Variants in EYA3 observed in about 807,000 individuals in gnomAD.
EYA3 encodes protein phosphatase EYA3.
In EYA3, 39 loss-of-function variants were observed where a neutral mutation model predicts 80.0. That is an observed-to-expected ratio of 0.49 (90% CI 0.38 to 0.64). The LOEUF (loss-of-function observed/expected upper bound fraction) is 0.64, where lower values mean the gene tolerates loss of function less well. Ranked by LOEUF, EYA3 falls within the 30% of genes least tolerant of loss-of-function variation. The pLI is 0.00. For synonymous variants in EYA3, 206 were observed against 232.8 expected (o/e 0.88, Z 1.05); for missense variants, 523 against 676.1 (o/e 0.77, Z 2.51).
intron 9 of EYA3, among the ~76,000 whole-genome samples, chr1:28,011,442 G>C (rs1641690675): frequency 6.6e-6 from 1 of 152,090 alleles, no homozygotes; most frequent in African/African-American, 2.4e-5. Flanking sequence ...TATTTGTTGT[G>C]GGGGGATGTC....
chr1:28,075,075 C>T (rs573367057), intron 1 of EYA3, among the ~76,000 whole-genome samples: 10 of 152,300 alleles, frequency 6.6e-5, no homozygotes, highest in African/African-American at 2.2e-4. Context: ...ATACCTTTCA[C>T]ATTCAGCCAA....
At chr1:28,043,893 C>T (rs936048969) in intron 3 of EYA3, among the ~76,000 whole-genome samples, 4 of 152,088 alleles carry the variant, frequency 2.6e-5, no homozygotes, top group African/African-American at 9.7e-5. Context: ...TGTTTCCAAG[C>T]GGGGGTTCTA....
rs182155839 is a variant in EYA3, at chr1:28,080,853, C to T, written c.-69+7671G>A. On this transcript the variant is annotated intron_variant, in intron 1 of 17. Transcript: ENST00000373871. ...GCAACCTCCGCCTCCTGGGTTTAAGCGATTCTCCTGCCTCAGCCTCCCAAG... is the reference window on the plus strand; with the variant it reads ...GCAACCTCCGCCTCCTGGGTTTAAGTGATTCTCCTGCCTCAGCCTCCCAAG... Among the ~76,000 whole-genome samples the T allele has an allele frequency of 2.8e-3, 433 of 152,114 alleles. 2 individuals carry two copies. The highest frequency in any genetic ancestry group is 4.8e-3 in the Non-Finnish European group (325 of 67,988).
chr1:28,043,356 A>C (rs939900511), intron 3 of EYA3, among the ~76,000 whole-genome samples: 1 of 150,280 alleles, frequency 6.7e-6, no homozygotes, highest in African/African-American at 2.4e-5. Flanking sequence ...ACGTGAAAAC[A>C]CTTAAGTTCT....
intron 16 of EYA3, among the ~76,000 whole-genome samples, chr1:27,984,800 G>A (rs1639541560): frequency 6.6e-6 from 1 of 152,028 alleles, no homozygotes; most frequent in African/African-American, 2.4e-5. Flanking sequence ...TAACTCTAGA[G>A]CCACTACTTC....
At chr1:28,060,372 T>C (rs867305496) in intron 1 of EYA3, among the ~76,000 whole-genome samples, 2 of 152,320 alleles carry the variant, frequency 1.3e-5, no homozygotes, top group South Asian at 4.1e-4. Flanking sequence ...GAAAACGCTC[T>C]ATCAAGTTGA....
intron 14 of EYA3, among the ~76,000 whole-genome samples, chr1:27,992,420 T>C (rs1183866032): frequency 6.6e-6 from 1 of 152,122 alleles, no homozygotes; most frequent in East Asian, 1.9e-4. Context: ...CCGCCACTGA[T>C]CTGACAGGAA....
At position 27,971,593 on chromosome 1, in the gene EYA3, C is replaced by T. The variant is rs1638725624; in HGVS notation, c.*2873G>A. ...TGGGTGACAGAGCGAGACTCCATCT[C>T]AACAACAACAACAAAAAAAAAAAAA... On this transcript the variant is annotated 3_prime_UTR_variant, in exon 18 of 18. Transcript: ENST00000373871. 1 of 101,006 alleles carries T rather than the reference C, an allele frequency of 9.9e-6. No individual in the cohort carries two copies. Among genetic ancestry groups the T allele is most frequent in the African/African-American group, 3.9e-5 (1 of 25,334 alleles). 6.3% of individuals were successfully genotyped at this position (101,006 alleles called of 1,614,324 possible).
intron 2 of EYA3, among the ~76,000 whole-genome samples, chr1:28,052,894 T>C (rs532368220): frequency 1.3e-5 from 2 of 152,156 alleles, no homozygotes; most frequent in Admixed American, 6.5e-5. Context: ...TGAGCCGAGA[T>C]AGTGACACTG....
chr1:27,978,316 C>A (rs561629914), intron 17 of EYA3, 58 bp downstream of exon 17: 25 of 1,263,854 alleles, frequency 2.0e-5, no homozygotes, highest in African/African-American at 3.0e-5. Flanking sequence ...TAGTTTTTCC[C>A]ATTTTTCTCA....
At chr1:27,975,772 C>A (rs973402696) in intron 17 of EYA3, among the ~76,000 whole-genome samples, 1 of 151,888 alleles carries the variant, frequency 6.6e-6, no homozygotes, top group African/African-American at 2.4e-5. Flanking sequence ...GCGTGAGCCA[C>A]CGTGCCCGGC....
At chr1:28,085,107 C>T (rs944419633) in intron 1 of EYA3, among the ~76,000 whole-genome samples, 6 of 152,102 alleles carry the variant, frequency 3.9e-5, no homozygotes, top group Admixed American at 3.9e-4. Flanking sequence ...CTACAAGGTA[C>T]AAGTGACAAG....
chr1:28,066,784 A>C (rs693819), intron 1 of EYA3, among the ~76,000 whole-genome samples: 4,467 of 152,270 alleles, frequency 0.029, 181 homozygotes, highest in African/African-American at 0.092. Context: ...TGATAAATAA[A>C]ACAATGTTTA....
intron 7 of EYA3, among the ~76,000 whole-genome samples, chr1:28,017,789 A>T (rs529341188): frequency 6.6e-6 from 1 of 152,338 alleles, no homozygotes; most frequent in African/African-American, 2.4e-5. Context: ...GGATCAATAA[A>T]CACAATGACA....
intron 7 of EYA3, among the ~76,000 whole-genome samples, chr1:28,024,293 A>T (rs1005852396): frequency 1.3e-5 from 2 of 151,838 alleles, no homozygotes; most frequent in African/African-American, 4.8e-5. Flanking sequence ...AAATTTTTTT[A>T]AAAATCTCCT....
At chr1:27,989,598 C>G in intron 15 of EYA3, 99 bp downstream of exon 15, 1 of 695,826 alleles carries the variant, frequency 1.4e-6, no homozygotes, top group Non-Finnish European at 2.4e-6. Context: ...CTCCTCTCTA[C>G]CCCTATCCCA....
intron 3 of EYA3, among the ~76,000 whole-genome samples, 166 bp downstream of exon 3, chr1:28,048,217 C>T (rs1395122348): frequency 3.3e-5 from 5 of 151,782 alleles, no homozygotes; most frequent in Admixed American, 2.0e-4. Context: ...CAGGAAAAAA[C>T]TATTTGGAAA....
chr1:28,060,363 A>G (rs1445216703), intron 1 of EYA3, among the ~76,000 whole-genome samples: 1 of 152,230 alleles, frequency 6.6e-6, no homozygotes, highest in Non-Finnish European at 1.5e-5. Context: ...AAAAAGTAAG[A>G]AAACGCTCTA....
chr1:27,985,642 C>T (rs1213498557), intron 16 of EYA3, among the ~76,000 whole-genome samples: 1 of 152,122 alleles, frequency 6.6e-6, no homozygotes, highest in Non-Finnish European at 1.5e-5. Flanking sequence ...AGTGCAGTGG[C>T]GCCATCTCGG....
Sources: gnomAD v4.1 joint callset for allele counts (sites outside exome capture counted in the v4.1 genomes callset) on GRCh38, gnomAD v4.1.1 for gene constraint, MANE v1.5 for transcripts, NCBI Gene and HGNC (gene_info 2026-07-23, HGNC 2026-07-21) for gene names.